Variants in GDPD5 observed in about 807,000 individuals in gnomAD.
GDPD5 encodes glycerophosphodiester phosphodiesterase domain containing 5.
In GDPD5, 48 loss-of-function variants were observed where a neutral mutation model predicts 75.1. The ratio of observed to expected loss-of-function variants is 0.64; its 90% CI spans 0.51 to 0.81. GDPD5 has a LOEUF of 0.81. GDPD5 is among the 40% of genes least tolerant of loss of function. The pLI is 0.00. For synonymous variants in GDPD5, 336 were observed against 339.0 expected (o/e 0.99, Z 0.10); for missense variants, 706 against 822.6 (o/e 0.86, Z 1.73).
intron 15 of GDPD5, 77 bp from the exon 16 acceptor site, chr11:75,437,125 C>A: frequency 1.2e-5 from 13 of 1,065,710 alleles, no homozygotes; most frequent in Non-Finnish European, 1.7e-5. Context: ...ACTTCCAGAG[C>A]CTCTCTGGAT....
intron 1 of GDPD5, among the ~76,000 whole-genome samples, chr11:75,505,331 C>T (rs1222584728): frequency 6.6e-6 from 1 of 152,002 alleles, no homozygotes; most frequent in African/African-American, 2.4e-5. Context: ...CCAGCTGCCT[C>T]CGGCCCCCAG....
intron 11 of GDPD5, chr11:75,442,799 G>C (rs1022771578): frequency 5.3e-5 from 32 of 606,750 alleles, no homozygotes; most frequent in Admixed American, 4.4e-4. Flanking sequence ...CGGCTTGCTT[G>C]GAATCGCTCC....
In GDPD5 at chr11:75,462,821, C is replaced by T. The variant is rs1949442926; in HGVS notation, c.186G>A (p.Trp62Ter). 1 of 1,613,960 alleles carries T rather than the reference C, an allele frequency of 6.2e-7. No homozygotes were observed. Among genetic ancestry groups the T allele is most frequent in the African/African-American group, 1.3e-5 (1 of 74,906 alleles). The change falls in exon 4 of 17, where the codon TGG becomes TGA. Residue 62 changes from tryptophan to a stop codon, truncating the protein, a stop_gained. Coordinates refer to ENST00000336898, the MANE Select transcript of GDPD5 (RefSeq NM_030792.8). LOFTEE classifies it high-confidence loss of function. The part of the protein sequence containing the change: ...FGLTLTWLYF[W>*]WEVHNDYDEF... The stretch of plus-strand genomic sequence containing the variant: ...CATCATAGTCATTGTGGACTTCCCA[C>T]CAGAAGTAAAGCCAGGTGAGCGTGA...
rs572889471 is a variant in GDPD5 at position 75,445,271 on chromosome 11, T to A, written c.715-776A>T. On this transcript the variant is annotated intron_variant, in intron 9 of 16. Transcript: ENST00000336898. ...CTCAAGCAATCTTCCCGCTTCAACT[T>A]CCCAAATAGCTGGGACTACAGGTGC... 2.0e-5 allele frequency among the ~76,000 whole-genome samples: 3 copies of A among 152,206 alleles called. No individual in the cohort carries two copies. In the South Asian group the frequency reaches 6.2e-4, roughly 32 times the overall value.
intron 4 of GDPD5, among the ~76,000 whole-genome samples, chr11:75,459,517 A>G (rs959252280): frequency 3.3e-5 from 5 of 152,238 alleles, no homozygotes; most frequent in Middle Eastern, 3.4e-3. Flanking sequence ...GATGCTCTCC[A>G]GAAAGAATGA....
At chr11:75,516,579 G>A (rs917697486) in intron 1 of GDPD5, among the ~76,000 whole-genome samples, 1 of 152,204 alleles carries the variant, frequency 6.6e-6, no homozygotes, top group Non-Finnish European at 1.5e-5. Flanking sequence ...GCCTGGTGGG[G>A]CAAGGGGAGC....
At chr11:75,448,585 C>T in intron 9 of GDPD5, 4 of 1,006,356 alleles carry the variant, frequency 4.0e-6, no homozygotes, top group Non-Finnish European at 4.7e-6. Flanking sequence ...GTCGGTTCAG[C>T]CGTACTCACT....
In GDPD5 at chr11:75,449,066, C is replaced by T; in HGVS notation, c.625G>A (p.Ala209Thr). Residue 209 changes from alanine to threonine, a missense_variant, in exon 9 of 17, where the codon GCC (alanine) becomes ACC (threonine). Physicochemically the swap from Ala to Thr is moderately conservative, Grantham distance 58. Transcript: ENST00000336898. ...CAGGGAGAGGAGATGGTGAGAGGGG[C>T]CAGGTAGAGGGCAAACACCACGGTG... is the stretch of plus-strand genomic sequence containing the variant. ...FFTVVFALYL[A>T]PLTISSPCIM... The T allele has an allele frequency of 1.1e-5, 18 of 1,606,296 alleles. No homozygotes were observed. The highest frequency in any genetic ancestry group is 1.5e-5 in the Non-Finnish European group (18 of 1,177,310).
At chr11:75,474,161 G>T (rs942429822) in intron 3 of GDPD5, among the ~76,000 whole-genome samples, 1 of 152,212 alleles carries the variant, frequency 6.6e-6, no homozygotes, top group Non-Finnish European at 1.5e-5. Flanking sequence ...GCTCTTCCTG[G>T]AGGAAATCAA....
chr11:75,445,431 C>CT (rs770695855), intron 9 of GDPD5, among the ~76,000 whole-genome samples: 14 of 152,190 alleles, frequency 9.2e-5, no homozygotes, highest in Non-Finnish European at 1.5e-4. Context: ...GGTCTTTATG[C>CT]TTAGGACAGT....
chr11:75,518,732 G>A (rs1004079021), intron 1 of GDPD5, among the ~76,000 whole-genome samples: 2 of 152,166 alleles, frequency 1.3e-5, no homozygotes, highest in African/African-American at 4.8e-5. Flanking sequence ...GCAACAAATC[G>A]AGGCAGCATG....
chr11:75,448,960 C>T lies in GDPD5; in HGVS notation c.714+17G>A, dbSNP rs777997130. On this transcript the variant is annotated intron_variant, in intron 9 of 16. Coordinates refer to ENST00000336898, the MANE Select transcript of GDPD5 (RefSeq NM_030792.8). ...CCCACCCCAACGGGGCTGTTAGGAC[C>T]CTGAGGTGGCACTCACCATGGGGGC... is the stretch of plus-strand genomic sequence containing the variant. 6.4e-7 allele frequency: 1 copy of T among 1,552,188 alleles called. No homozygotes were observed. Among genetic ancestry groups the T allele is most frequent in the African/African-American group, 1.4e-5 (1 of 71,006 alleles).
rs557800762 is a variant in GDPD5, at chr11:75,481,064, G to A, written c.-60-3269C>T. Among the ~76,000 whole-genome samples, 9 of 152,242 alleles carry A rather than the reference G, an allele frequency of 5.9e-5. No homozygotes were observed. In the East Asian group the frequency reaches 1.2e-3, roughly 20 times the overall value. The stretch of plus-strand genomic sequence containing the variant: ...CAGTGACTGGGCTCTAATGGCCCAC[G>A]AGCCTTATGGTAAGTGCAGTGTATG... On this transcript the variant is annotated intron_variant, in intron 2 of 16. Coordinates refer to ENST00000336898, the MANE Select transcript of GDPD5 (RefSeq NM_030792.8).
chr11:75,504,720 C>T (rs1950359166), intron 1 of GDPD5, among the ~76,000 whole-genome samples: 1 of 152,128 alleles, frequency 6.6e-6, no homozygotes, highest in East Asian at 1.9e-4. Flanking sequence ...GATGAAAAAG[C>T]TCTGGAGATC....
chr11:75,506,411 C>T (rs1290130980), intron 1 of GDPD5, among the ~76,000 whole-genome samples: 1 of 152,140 alleles, frequency 6.6e-6, no homozygotes, highest in Non-Finnish European at 1.5e-5. Context: ...GCTGCCCCTC[C>T]ACCTAGGAGG....
Position 75,477,739 on chromosome 11 carries a change from C to A in GDPD5, c.-4G>T. On this transcript the variant is annotated 5_prime_UTR_variant, in exon 3 of 17. Transcript: ENST00000336898. ...GCAGGGGCTGGTGTCTCACCATACT[C>A]GTGCCCACGGCCCTGGCGCCTGGCC... 6.4e-7 allele frequency: 1 copy of A among 1,557,508 alleles called. No homozygotes were observed. The highest frequency in any genetic ancestry group is 1.4e-5 in the African/African-American group (1 of 73,704).
chr11:75,452,327 T>G (rs890784519), intron 6 of GDPD5: 2 of 152,174 alleles, frequency 1.3e-5, no homozygotes, highest in Non-Finnish European at 2.9e-5. Context: ...TTTCCAGAGC[T>G]GTGAAATAGG....
At chr11:75,453,701 T>C (rs1949223777) in intron 6 of GDPD5, among the ~76,000 whole-genome samples, 1 of 150,378 alleles carries the variant, frequency 6.6e-6, no homozygotes, top group African/African-American at 2.4e-5. Flanking sequence ...GATAGATAAA[T>C]GAAAATAAGC....
At chr11:75,523,680 T>TCA (rs5792687) in intron 1 of GDPD5, among the ~76,000 whole-genome samples, 142,766 of 152,252 alleles carry the variant, frequency 0.94, 67,178 homozygotes, top group Middle Eastern at 0.98. Context: ...TGAAAGGAGA[T>TCA]CACAGGTGTG....
Sources: allele counts gnomAD v4.1 joint callset (sites outside exome capture counted in the v4.1 genomes callset), GRCh38; gene constraint gnomAD v4.1.1; transcripts MANE v1.5; gene names NCBI Gene and HGNC (gene_info 2026-07-23, HGNC 2026-07-21).